BABAM2: variants seen among roughly 807,000 people sequenced by gnomAD.
The protein encoded by BABAM2 is BRISC and BRCA1-A complex member 2.
BABAM2 carries 31 observed loss-of-function variants against 54.7 expected under a neutral mutation model. The ratio of observed to expected loss-of-function variants is 0.57; its 90% confidence interval spans 0.43 to 0.77. The LOEUF (loss-of-function observed/expected upper bound fraction) is 0.77. Among genes scored for constraint, BABAM2 ranks in the 30% least tolerant of loss-of-function variants. The pLI is 0.00. For missense variants in BABAM2, 364 were observed against 455.8 expected, an observed-to-expected ratio of 0.80 and a Z score of 1.83; for synonymous variants, 167 against 162.9, an observed-to-expected ratio of 1.03 and a Z score of -0.19.
intron 7 of BABAM2, among the ~76,000 whole-genome samples, chr2:28,209,140 C>A (rs1428421971): frequency 6.6e-6 from 1 of 152,138 alleles, no homozygotes; most frequent in Non-Finnish European, 1.5e-5. Flanking sequence ...GCTGTCATTC[C>A]TCATTTCCAC....
chr2:28,159,741 G>A (rs1406050056), intron 7 of BABAM2, among the ~76,000 whole-genome samples: 1 of 152,004 alleles, frequency 6.6e-6, no homozygotes, highest in Non-Finnish European at 1.5e-5. Context: ...TTAGCTGGGC[G>A]TGGTGGCAAG....
chr2:27,989,172 C>T (rs1219130207), intron 4 of BABAM2, among the ~76,000 whole-genome samples: 2 of 151,956 alleles, frequency 1.3e-5, no homozygotes, highest in African/African-American at 2.4e-5. Context: ...TACGTATTCA[C>T]CCCATATTAA....
intron 4 of BABAM2, among the ~76,000 whole-genome samples, chr2:28,004,657 A>G (rs1673825649): frequency 6.6e-6 from 1 of 152,010 alleles, no homozygotes; most frequent in Non-Finnish European, 1.5e-5. Context: ...AATTGACATA[A>G]CAATTACATA....
intron 10 of BABAM2, among the ~76,000 whole-genome samples, chr2:28,248,219 T>C (rs1306492459): frequency 1.5e-5 from 2 of 134,286 alleles, no homozygotes; most frequent in Non-Finnish European, 3.2e-5. Context: ...TTTTTTTTTT[T>C]TTTTTTTGAG....
chr2:27,929,486 T>C (rs1667942319), intron 2 of BABAM2, among the ~76,000 whole-genome samples: 1 of 152,222 alleles, frequency 6.6e-6, no homozygotes, highest in Non-Finnish European at 1.5e-5. Flanking sequence ...AAAACTATTC[T>C]TATTTTACAG....
chr2:28,011,578 T>C (rs916587287), intron 4 of BABAM2, among the ~76,000 whole-genome samples: 6 of 152,148 alleles, frequency 3.9e-5, no homozygotes, highest in African/African-American at 1.4e-4. Context: ...TCAGCTAAGA[T>C]GTGGAGAAAC....
intron 5 of BABAM2, among the ~76,000 whole-genome samples, chr2:28,043,536 T>C (rs1364259785): frequency 6.6e-6 from 1 of 152,208 alleles, no homozygotes; most frequent in Non-Finnish European, 1.5e-5. Flanking sequence ...CTCACTGGGC[T>C]AGGTGTCCCT....
At chr2:28,273,407 A>C (rs1458091815) in intron 10 of BABAM2, among the ~76,000 whole-genome samples, 1 of 152,078 alleles carries the variant, frequency 6.6e-6, no homozygotes, top group East Asian at 1.9e-4. Flanking sequence ...TTGGTTGCTG[A>C]ACTTGTGTGG....
chr2:27,917,096 C>T (rs976094160), intron 2 of BABAM2, among the ~76,000 whole-genome samples: 1 of 148,504 alleles, frequency 6.7e-6, no homozygotes, highest in Non-Finnish European at 1.5e-5. Context: ...CGGCTCACTG[C>T]AACTTCCGCC....
intron 4 of BABAM2, among the ~76,000 whole-genome samples, chr2:27,988,415 C>G (rs983839100): frequency 2.0e-5 from 3 of 152,072 alleles, no homozygotes; most frequent in African/African-American, 7.2e-5. Context: ...AATCAATTTT[C>G]TAATGTTTAC....
intron 3 of BABAM2, among the ~76,000 whole-genome samples, chr2:27,936,549 A>C (rs1254509227): frequency 6.6e-6 from 1 of 152,194 alleles, no homozygotes; most frequent in African/African-American, 2.4e-5. Context: ...GAACCAACCC[A>C]AATGTCCAAC....
In BABAM2 at chr2:28,284,797, G is replaced by A. The variant is rs138652339; in HGVS notation, c.935-13541G>A. Among the ~76,000 whole-genome samples, 85 of 152,240 alleles carry A rather than the reference G, an allele frequency of 5.6e-4. 1 individual carries two copies. Among genetic ancestry groups the A allele is most frequent in the African/African-American group, 1.8e-3 (76 of 41,558 alleles). On this transcript the variant is annotated intron_variant, in intron 10 of 11. Transcript: ENST00000379624. ...ATTTTCTCAGCTGGAAATCAGGCTAGGAAAAGAAATTATATAGACTCAGGT... is the reference window on the plus strand; with the variant it reads ...ATTTTCTCAGCTGGAAATCAGGCTAAGAAAAGAAATTATATAGACTCAGGT...
At chr2:28,113,113 G>A (rs1479551478) in intron 6 of BABAM2, among the ~76,000 whole-genome samples, 1 of 152,194 alleles carries the variant, frequency 6.6e-6, no homozygotes, top group Non-Finnish European at 1.5e-5. Context: ...CTCTTTGTCA[G>A]ATGGATAGAT....
chr2:28,127,476 A>G (rs993053690), intron 6 of BABAM2, among the ~76,000 whole-genome samples: 6 of 148,508 alleles, frequency 4.0e-5, no homozygotes, highest in Non-Finnish European at 7.5e-5. Flanking sequence ...GTGTGTAGAT[A>G]TCTCTTCCAA....
chr2:27,922,534 T>C (rs1199349373), intron 2 of BABAM2, among the ~76,000 whole-genome samples: 1 of 152,252 alleles, frequency 6.6e-6, no homozygotes, highest in African/African-American at 2.4e-5. Context: ...AATTCCCACT[T>C]TCATAATCTG....
At chr2:27,959,310 C>A (rs932035140) in intron 3 of BABAM2, among the ~76,000 whole-genome samples, 4 of 152,086 alleles carry the variant, frequency 2.6e-5, no homozygotes, top group Admixed American at 2.6e-4. Context: ...ACATAAGATA[C>A]CTAATTAATT....
chr2:28,252,964 AC>A (rs1217455185), intron 10 of BABAM2, among the ~76,000 whole-genome samples: 1 of 152,186 alleles, frequency 6.6e-6, no homozygotes, highest in Non-Finnish European at 1.5e-5. Flanking sequence ...TTACAGAGTA[AC>A]TCTTATGTTA....
At chr2:27,955,671 A>G (rs1010899648) in intron 3 of BABAM2, among the ~76,000 whole-genome samples, 1 of 152,208 alleles carries the variant, frequency 6.6e-6, no homozygotes, top group Non-Finnish European at 1.5e-5. Context: ...TTGATTGTCA[A>G]GGACAGTAAC....
chr2:28,183,739 T>TCACACACACA (rs1286120518), intron 7 of BABAM2, among the ~76,000 whole-genome samples: 8,388 of 133,038 alleles, frequency 0.063, 290 homozygotes, highest in Middle Eastern at 0.087. Flanking sequence ...TGGATGAAGA[T>TCACACACACA]CACACACACA....
Sources: allele counts gnomAD v4.1 joint callset (sites outside exome capture counted in the v4.1 genomes callset), GRCh38; gene constraint gnomAD v4.1.1; transcripts MANE v1.5; gene names NCBI Gene and HGNC (gene_info 2026-07-23, HGNC 2026-07-21).